Variants in CC2D2B observed in about 807,000 individuals in gnomAD.
CC2D2B encodes the protein coiled-coil and C2 domain containing 2B.
In CC2D2B, 128 loss-of-function variants were observed where a neutral mutation model predicts 161.2. That is an observed-to-expected ratio of 0.79 (90% CI 0.69 to 0.92). The LOEUF (loss-of-function observed/expected upper bound fraction) is 0.92. CC2D2B is among the 40% of genes least tolerant of loss of function. CC2D2B has a pLI of 0.00. For missense variants in CC2D2B, 1,173 were observed against 1,375.1 expected (o/e 0.85, Z 2.32); for synonymous variants, 391 against 449.8 (o/e 0.87, Z 1.65).
At chr10:95,936,163 G>C (rs1312350860) in intron 6 of CC2D2B, among the ~76,000 whole-genome samples, 1 of 152,154 alleles carries the variant, frequency 6.6e-6, no homozygotes, top group East Asian at 1.9e-4. Flanking sequence ...CAAGCATAAA[G>C]ATATTAGGTC....
Position 96,012,727 on chromosome 10 carries a change from T to C in CC2D2B, c.3424T>C (p.Phe1142Leu), listed in dbSNP as rs1472960510. 4 of 1,555,378 alleles carry C rather than the reference T, an allele frequency of 2.6e-6. No homozygotes were observed. The highest frequency in any genetic ancestry group is 3.5e-6 in the Non-Finnish European group (4 of 1,127,254). Residue 1142 changes from phenylalanine (F) to leucine (L), a missense_variant and splice_region_variant, in exon 28 of 35, where the codon TTT becomes CTT. Physicochemically the swap from Phe to Leu is conservative, Grantham distance 22. This residue lies in a region of CC2D2B where 598 missense variants were observed against 693.2 expected (regional missense o/e 0.86). Transcript: ENST00000646931. ...ATTTCTTCACAATTCTAATGCAACA[T>C]TTGTAAGTTATTATTATTTTTAACA... ...DIFLHNSNAT[F>L]DLIARFVSLI...
At chr10:95,998,440 A>C (rs2078320709) in intron 24 of CC2D2B, among the ~76,000 whole-genome samples, 2 of 152,262 alleles carry the variant, frequency 1.3e-5, no homozygotes, top group East Asian at 3.9e-4. Flanking sequence ...TCCCCCTGGA[A>C]CCTTGCCAAC....
At chr10:96,001,358 A>AT (rs1294719407) in intron 24 of CC2D2B, among the ~76,000 whole-genome samples, 2 of 152,058 alleles carry the variant, frequency 1.3e-5, no homozygotes, top group Non-Finnish European at 1.5e-5. Context: ...ATCATTTTAT[A>AT]TTTTTTTATA....
chr10:95,988,892 G>A (rs1428016415), intron 20 of CC2D2B, among the ~76,000 whole-genome samples: 2 of 152,188 alleles, frequency 1.3e-5, no homozygotes, highest in Non-Finnish European at 2.9e-5. Flanking sequence ...AGACTTAGAA[G>A]CTTAGTGCAG....
At chr10:96,013,372 AC>A (rs1395955923) in intron 28 of CC2D2B, among the ~76,000 whole-genome samples, 3 of 151,372 alleles carry the variant, frequency 2.0e-5, no homozygotes, top group African/African-American at 7.3e-5. Flanking sequence ...TAGATTTTGA[AC>A]CAAAAAAAAA....
intron 17 of CC2D2B, among the ~76,000 whole-genome samples, 166 bp from the exon 18 acceptor site, chr10:95,981,809 A>C (rs1177530448): frequency 6.6e-6 from 1 of 152,204 alleles, no homozygotes; most frequent in Non-Finnish European, 1.5e-5. Context: ...ACTAGGAGAG[A>C]TGTCACATCT....
At chr10:95,914,426 A>G in intron 2 of CC2D2B, among the ~76,000 whole-genome samples, 1 of 152,080 alleles carries the variant, frequency 6.6e-6, no homozygotes, top group African/African-American at 2.4e-5. Flanking sequence ...GGCTTTTAGT[A>G]TAGCTTTGTA....
intron 2 of CC2D2B, among the ~76,000 whole-genome samples, chr10:95,915,512 C>G (rs1482003942): frequency 3.9e-5 from 6 of 152,140 alleles, no homozygotes; most frequent in Admixed American, 1.3e-4. Flanking sequence ...TCAGTTTTTC[C>G]CTGTTTGGTA....
At chr10:95,962,753 T>C (rs2076805479) in intron 12 of CC2D2B, among the ~76,000 whole-genome samples, 1 of 149,462 alleles carries the variant, frequency 6.7e-6, no homozygotes, top group African/African-American at 2.4e-5. Flanking sequence ...TTTTTTTTCT[T>C]GCTGCAGTAG....
At chr10:96,007,833 G>A (rs1482699298) in intron 25 of CC2D2B, among the ~76,000 whole-genome samples, 1 of 152,014 alleles carries the variant, frequency 6.6e-6, no homozygotes, top group Non-Finnish European at 1.5e-5. Flanking sequence ...TGGGAGGGGT[G>A]GTGGTGGTAG....
At position 95,993,847 on chromosome 10, in the gene CC2D2B, T is replaced by TAG. The variant is rs1435276944; in HGVS notation, c.2642+1151_2642+1152insGA. On this transcript the variant is annotated intron_variant, in intron 22 of 34. Coordinates refer to ENST00000646931, the MANE Select transcript of CC2D2B (RefSeq NM_001349008.3). ...TATATAAAGAGTGTATATATATATA[T>TAG]ATATAGAGAGAGAGAGAGAGAGAGT... 5.0e-4 allele frequency among the ~76,000 whole-genome samples: 53 copies of TAG among 106,214 alleles called. 1 individual carries two copies. Among genetic ancestry groups the TAG allele is most frequent in the Non-Finnish European group, 7.2e-4 (41 of 57,066 alleles). 69.7% of individuals were successfully genotyped at this position (106,214 alleles called of 152,430 possible).
At chr10:95,990,618 C>T (rs1181157958) in intron 20 of CC2D2B, among the ~76,000 whole-genome samples, 1 of 152,134 alleles carries the variant, frequency 6.6e-6, no homozygotes, top group Non-Finnish European at 1.5e-5. Flanking sequence ...TCCCATTCAT[C>T]TCTCACCACT....
chr10:95,923,323 C>A (rs139847910), intron 3 of CC2D2B, among the ~76,000 whole-genome samples: 7,399 of 152,230 alleles, frequency 0.049, 234 homozygotes, highest in Non-Finnish European at 0.076. Context: ...TGGCCTCAAG[C>A]AGTCCTCCTG....
chr10:95,974,134 T>A lies in CC2D2B; in HGVS notation c.1921T>A (p.Ser641Thr), dbSNP rs2077235148. The change falls in exon 17 of 35, where the codon TCA becomes ACA. Residue 641 changes from serine to threonine, a missense_variant. By Grantham distance (58) the Ser-to-Thr change is moderately conservative. Around this residue, in one of 3 missense-constraint regions of CC2D2B, gnomAD observed 277 missense variants for 420.6 expected, o/e 0.66. Coordinates refer to ENST00000646931, the MANE Select transcript of CC2D2B (RefSeq NM_001349008.3). ...NGLPLIPMPQ[S>T]LRSSYCSMLR... ...TCTTCCTCTGATACCTATGCCACAA[T>A]CATTAAGATCTTCTTACTGCAGGTA... 8.1e-7 allele frequency: 1 copy of A among 1,230,704 alleles called. No homozygotes were observed. Among genetic ancestry groups the A allele is most frequent in the Non-Finnish European group, 1.0e-6 (1 of 986,710 alleles). 76.2% of individuals were successfully genotyped at this position (1,230,704 alleles called of 1,614,324 possible). A position where few individuals can be genotyped will look rare whatever the true frequency, so the allele number is the denominator to read the frequency against.
intron 17 of CC2D2B, among the ~76,000 whole-genome samples, chr10:95,979,691 A>AT (rs1479826366): frequency 2.6e-5 from 4 of 152,140 alleles, no homozygotes; most frequent in Non-Finnish European, 5.9e-5. Flanking sequence ...GCACAGTTAT[A>AT]TTTTTAACTA....
At chr10:95,920,667 A>G (rs1449139709) in intron 2 of CC2D2B, 1 of 152,096 alleles carries the variant, frequency 6.6e-6, no homozygotes, top group African/African-American at 2.4e-5. Context: ...TGAAGCCAGC[A>G]CAATACTGGG....
chr10:95,963,758 T>C (rs748618145), intron 12 of CC2D2B, among the ~76,000 whole-genome samples: 27 of 152,188 alleles, frequency 1.8e-4, no homozygotes, highest in Non-Finnish European at 2.8e-4. Context: ...TGAAGTTCAC[T>C]ACTAAAAATG....
intron 16 of CC2D2B, among the ~76,000 whole-genome samples, chr10:95,973,585 G>A (rs574243627): frequency 3.3e-5 from 5 of 152,238 alleles, no homozygotes; most frequent in East Asian, 1.9e-4. Context: ...AGGGCCGGGC[G>A]TGGTGGCTCA....
chr10:95,942,255 G>C (rs1431222671), intron 9 of CC2D2B, among the ~76,000 whole-genome samples: 1 of 152,110 alleles, frequency 6.6e-6, no homozygotes, highest in Non-Finnish European at 1.5e-5. Context: ...GTACAACATT[G>C]TGCTTATAGT....
Sources: gnomAD v4.1 joint callset for allele counts (sites outside exome capture counted in the v4.1 genomes callset) on GRCh38, gnomAD v4.1.1 for gene constraint, gnomAD v4.1.1 regional missense constraint, MANE v1.5 for transcripts, NCBI Gene and HGNC (gene_info 2026-07-23, HGNC 2026-07-21) for gene names.